Variants in TTN observed in about 807,000 individuals in gnomAD.
TTN encodes the protein connectin.
In TTN, 1,525 loss-of-function variants were observed where a neutral mutation model predicts 3,223.0. The ratio of observed to expected loss-of-function variants is 0.47; its 90% CI spans 0.45 to 0.49. The LOEUF is 0.49. Among genes scored for constraint, TTN ranks in the 20% least tolerant of loss-of-function variants. TTN has a pLI of 0.00. For synonymous variants in TTN, 14,094 were observed against 15,161.0 expected (o/e 0.93, Z 5.17); for missense variants, 40,786 against 43,424.0 (o/e 0.94, Z 5.40).
chr2:178,678,674 G>A (rs1459754387), intron 143 of TTN, 73 bp downstream of exon 143: 19 of 1,422,942 alleles, frequency 1.3e-5, no homozygotes, highest in Non-Finnish European at 1.8e-5. Flanking sequence ...AAAGAGTACA[G>A]AATTAAACCA....
At position 178,562,898 on chromosome 2, in the gene TTN, T is replaced by TTA. The variant is rs1704204514; in HGVS notation, c.83232_83233dup (p.Asn27745IlefsTer3). 6.2e-7 allele frequency: 1 copy of TTA among 1,613,346 alleles called. No homozygotes were observed. Among genetic ancestry groups the TTA allele is most frequent in the Non-Finnish European group, 8.5e-7 (1 of 1,179,708 alleles). On this transcript the variant is annotated frameshift_variant, in exon 326 of 363. Coordinates refer to ENST00000589042, the MANE Select transcript of TTN (RefSeq NM_001267550.2). LOFTEE classifies it high-confidence loss of function. ...GCCACTATTATTTTCTAATGTCAGATTATACCGACCACTGTCAAATCTGGT... is the reference window on the plus strand; with the variant it reads ...GCCACTATTATTTTCTAATGTCAGATTATATACCGACCACTGTCAAATCTGGT...
chr2:178,747,950 T>G lies in TTN; in HGVS notation c.11311+5174A>C, dbSNP rs769450043. ...CTGTCTATGGAGTGTGTCAGCTTCCTGAACATCACCTCTGTGGTCTTCCAA... is the reference window on the plus strand; with the variant it reads ...CTGTCTATGGAGTGTGTCAGCTTCCGGAACATCACCTCTGTGGTCTTCCAA... On this transcript the variant is annotated intron_variant, in intron 47 of 362. Transcript: ENST00000589042. 135 of 1,613,088 alleles carry G rather than the reference T, an allele frequency of 8.4e-5. No homozygotes were observed. The highest frequency in any genetic ancestry group is 8.3e-4 in the Middle Eastern group (5 of 6,048).
rs574810883 is a variant in TTN at position 178,769,565 on chromosome 2, A to G, written c.8902+114T>C. ...AGGCTTGAGCCACCCTGCCCACCCAATCAAGGATTTTTGAGTGGTCAGCAA... is the reference window on the plus strand; with the variant it reads ...AGGCTTGAGCCACCCTGCCCACCCAGTCAAGGATTTTTGAGTGGTCAGCAA... On this transcript the variant is annotated intron_variant, in intron 37 of 362. Coordinates refer to ENST00000589042, the MANE Select transcript of TTN (RefSeq NM_001267550.2). 1.9e-5 allele frequency: 18 copies of G among 934,818 alleles called. No homozygotes were observed. The Admixed American group carries it at 3.2e-4, about 17-fold the overall frequency. 57.9% of individuals were successfully genotyped at this position (934,818 alleles called of 1,614,324 possible).
chr2:178,768,881 A>C lies in TTN; in HGVS notation c.8955T>G (p.Thr2985=), dbSNP rs774980824. The change falls in exon 38 of 363, where the codon ACT becomes ACG. Residue 2985 remains threonine (T), a synonymous_variant. Transcript: ENST00000589042. ...AGTTCACTGTCACCTCAAAAGTAAT[A>C]GTGTCTTTTTCTTCAGCGTTGATGT... is the stretch of plus-strand genomic sequence containing the variant. The part of the protein sequence containing the change: ...LKDINAEEKD[T]ITFEVTVNYE... 3 of 1,614,080 alleles carry C rather than the reference A, an allele frequency of 1.9e-6. No individual in the cohort carries two copies. The highest frequency in any genetic ancestry group is 2.2e-5 in the East Asian group (1 of 44,826).
rs1553477432 is a variant in TTN at position 178,527,479 on chromosome 2, A to C, written c.107647T>G (p.Ser35883Ala). ...CCTGCTTTAAGCATTTTACTAGTTG[A>C]GCTTTCCAGTTGTGTCATATTAGAT... ...GISNMTQLES[S>A]TSKMLKAGIR... is the part of the protein sequence containing the mutation. The change falls in exon 362 of 363, where the codon TCA (serine) becomes GCA (alanine). Residue 35883 changes from serine (S) to alanine (A), a missense_variant. By Grantham distance (99) the Ser-to-Ala change is moderately conservative. Coordinates refer to ENST00000589042, the MANE Select transcript of TTN (RefSeq NM_001267550.2). 38 of 1,613,844 alleles carry C rather than the reference A, an allele frequency of 2.4e-5. No homozygotes were observed. The highest frequency in any genetic ancestry group is 3.2e-5 in the Non-Finnish European group (38 of 1,179,790).
chr2:178,564,727 A>G lies in TTN; in HGVS notation c.81405T>C (p.Thr27135=). Residue 27135 remains threonine (T), a synonymous_variant, in exon 326 of 363, where the codon ACT becomes ACC. Coordinates refer to ENST00000589042, the MANE Select transcript of TTN (RefSeq NM_001267550.2). ...TPIQDTKFKT[T]GLDEGLEYEF... is the part of the protein sequence containing the mutation. The stretch of plus-strand genomic sequence containing the variant: ...CATACTCAAGGCCCTCATCAAGCCC[A>G]GTTGTTTTGAATTTGGTGTCCTGAA... The G allele has an allele frequency of 6.2e-7, 1 of 1,613,222 alleles. No individual in the cohort carries two copies. Among genetic ancestry groups the G allele is most frequent in the Non-Finnish European group, 8.5e-7 (1 of 1,179,536 alleles).
In TTN at chr2:178,792,139, G is replaced by T; in HGVS notation, c.1595C>A (p.Ala532Asp). The T allele has an allele frequency of 6.2e-7, 1 of 1,611,890 alleles. No homozygotes were observed. The highest frequency in any genetic ancestry group is 8.5e-7 in the Non-Finnish European group (1 of 1,179,350). Residue 532 changes from alanine (A) to aspartate (D), a missense_variant, in exon 10 of 363, where the codon GCC (alanine) becomes GAC (aspartate). By Grantham distance (126) the Ala-to-Asp change is moderately radical. Coordinates refer to ENST00000589042, the MANE Select transcript of TTN (RefSeq NM_001267550.2). ...AGAAATTCTAGTTTCTTGTTCTTTG[G>T]CTTTAGCTGCGGAAATTACTACCTT... ...VPKVVISAAK[A>D]KEQETRISEE...
intron 47 of TTN, chr2:178,750,309 G>C: frequency 1.9e-6 from 3 of 1,613,146 alleles, no homozygotes; most frequent in Non-Finnish European, 2.5e-6. Flanking sequence ...TTCACTTTAA[G>C]CATACTGGTT....
At chr2:178,652,618 T>C (rs1188997153) in intron 201 of TTN, 35 bp downstream of exon 201, 5 of 1,612,526 alleles carry the variant, frequency 3.1e-6, no homozygotes, top group African/African-American at 2.7e-5. Flanking sequence ...GTAGAAGAGA[T>C]AGATCTTCTG....
Position 178,779,335 on chromosome 2 carries a change from G to T in TTN, c.3857C>A (p.Ser1286Tyr). 3 of 1,613,218 alleles carry T rather than the reference G, an allele frequency of 1.9e-6. No homozygotes were observed. The highest frequency in any genetic ancestry group is 2.2e-5 in the South Asian group (2 of 91,054). The change falls in exon 23 of 363, where the codon TCT (serine) becomes TAT (tyrosine). Residue 1286 changes from serine (S) to tyrosine (Y), a missense_variant. Transcript: ENST00000589042. ...EEKMAVDISESEAVESGFDSR... is the reference protein window; with the variant it reads ...EEKMAVDISEYEAVESGFDSR... ...ATCAAATCCTGATTCAACAGCTTCA[G>T]ATTCAGAAATGTCAACTGCCATCTT... is the stretch of plus-strand genomic sequence containing the variant.
Position 178,774,227 on chromosome 2 carries a change from G to T in TTN, c.7037C>A (p.Thr2346Asn). The change falls in exon 30 of 363, where the codon ACC becomes AAC. Residue 2346 changes from threonine to asparagine, a missense_variant. By Grantham distance (65) the Thr-to-Asn change is moderately conservative. Transcript: ENST00000589042. ...YSFVIDGKKT[T>N]CKLKMKPRPI... is the part of the protein sequence containing the mutation. ...CTTACGTTTCATCTTTAATTTACAG[G>T]TTGTCTTTTTCCCGTCGATGACAAA... 1.2e-6 allele frequency: 2 copies of T among 1,614,030 alleles called. No individual in the cohort carries two copies. The highest frequency in any genetic ancestry group is 1.7e-6 in the Non-Finnish European group (2 of 1,179,982).
At position 178,782,766 on chromosome 2, in the gene TTN, A is replaced by G. The variant is rs752272806; in HGVS notation, c.3100+40T>C. Reference sequence around the variant, plus strand: ...TGGAAAAGAGTGTCAGATGAAAGTGATGGCATGTGCATTAGGACTGTGGGA... The same window carrying G: ...TGGAAAAGAGTGTCAGATGAAAGTGGTGGCATGTGCATTAGGACTGTGGGA... On this transcript the variant is annotated intron_variant, in intron 18 of 362. Transcript: ENST00000589042. The G allele has an allele frequency of 3.7e-6, 6 of 1,612,008 alleles. No individual in the cohort carries two copies. In the Admixed American group the frequency reaches 1.0e-4, roughly 27 times the overall value.
chr2:178,794,321 G>A, intron 8 of TTN, 78 bp downstream of exon 8: 1 of 1,591,954 alleles, frequency 6.3e-7, no homozygotes, highest in Non-Finnish European at 8.6e-7. Flanking sequence ...TGCATGCCAA[G>A]CTCAGTGGAT....
intron 33 of TTN, 126 bp downstream of exon 33, chr2:178,772,983 C>T: frequency 7.9e-7 from 1 of 1,266,142 alleles, no homozygotes; most frequent in South Asian, 1.3e-5. Context: ...GTACTATTGG[C>T]TTTGGGAACA....
intron 30 of TTN, 44 bp downstream of exon 30, chr2:178,774,163 C>T: frequency 6.2e-7 from 1 of 1,614,028 alleles, no homozygotes; most frequent in East Asian, 2.2e-5. Context: ...ATCAATAAAC[C>T]ATAATGATGC....
At chr2:178,712,631 TATACATAC>T (rs1335574633) in intron 94 of TTN, 38 bp from the exon 95 acceptor site, 1 of 1,607,280 alleles carries the variant, frequency 6.2e-7, no homozygotes, top group East Asian at 2.2e-5. Context: ...ATCAAACACA[TATACATAC>T]AGACAAAGAC....
At position 178,575,211 on chromosome 2, in the gene TTN, T is replaced by G. The variant is rs778715011; in HGVS notation, c.70921A>C (p.Lys23641Gln). 8.1e-6 allele frequency: 13 copies of G among 1,612,830 alleles called. No homozygotes were observed. In the South Asian group the frequency reaches 9.9e-5, roughly 12 times the overall value. ...PELDLRGIYQ[K>Q]LVIAKAGDNI... The stretch of plus-strand genomic sequence containing the variant: ...TCACCAGCTTTGGCAATGACCAGTT[T>G]CTGATAGATGCCACGGAGATCCAGC... Residue 23641 changes from lysine (K) to glutamine (Q), a missense_variant, in exon 326 of 363, where the codon AAA becomes CAA. Transcript: ENST00000589042. This position sits in a 1 kb window ranked among gnomAD's most constrained non-coding sequence, Gnocchi z 4.0.
chr2:178,792,263 TA>T, intron 9 of TTN, 66 bp from the exon 10 acceptor site: 1 of 1,489,928 alleles, frequency 6.7e-7, no homozygotes. Context: ...TGGTGTTTAT[TA>T]AATATAACAA....
chr2:178,570,075 T>A lies in TTN; in HGVS notation c.76057A>T (p.Arg25353Ter). Residue 25353 changes from arginine (R) to a stop codon, truncating the protein, a stop_gained, in exon 326 of 363, where the codon AGA (arginine) becomes TGA (stop). Transcript: ENST00000589042. LOFTEE classifies it high-confidence loss of function. ...TCTCCAATCAGACGCTTATGGCATC[T>A]TGTCCATCTAATGCCTTCTTTATCC... ...KRDKEGIRWT[R>*]CHKRLIGELR... 1 of 1,613,444 alleles carries A rather than the reference T, an allele frequency of 6.2e-7. No homozygotes were observed. The highest frequency in any genetic ancestry group is 8.5e-7 in the Non-Finnish European group (1 of 1,179,594).
Sources: gnomAD v4.1 joint callset for allele counts on GRCh38, gnomAD v4.1.1 for gene constraint, Gnocchi (gnomAD v3.1) non-coding constraint, MANE v1.5 for transcripts, NCBI Gene and HGNC (gene_info 2026-07-23, HGNC 2026-07-21) for gene names.